The following TPPP variants were observed in gnomAD, a reference collection of about 807,000 sequenced individuals.
The protein encoded by TPPP is tubulin polymerization-promoting protein.
TPPP carries 6 observed loss-of-function variants against 15.5 expected under a neutral mutation model. The ratio of observed to expected loss-of-function variants is 0.39; its 90% confidence interval spans 0.21 to 0.77. TPPP has a LOEUF of 0.77. Ranked by LOEUF, TPPP falls within the 30% of genes least tolerant of loss-of-function variation. TPPP has a pLI of 0.42. For synonymous variants in TPPP, 146 were observed against 133.9 expected, an observed-to-expected ratio of 1.09 and a Z score of -0.63; for missense variants, 269 against 307.2, an observed-to-expected ratio of 0.88 and a Z score of 0.93.
At chr5:681,847 G>T (rs1224580529) in intron 1 of TPPP, among the ~76,000 whole-genome samples, 5 of 152,234 alleles carry the variant, frequency 3.3e-5, no homozygotes, top group Non-Finnish European at 7.3e-5. Flanking sequence ...GGCAAAGGCA[G>T]ACCCCAGAGG....
chr5:676,933 CGCACACGACGCAGAAACGCGCACACGT>C (rs1561088416), intron 2 of TPPP, among the ~76,000 whole-genome samples: 7 of 149,630 alleles, frequency 4.7e-5, no homozygotes, highest in African/African-American at 1.5e-4. Flanking sequence ...AACGCACGCG[CGCACACGACGCAGAAACGCGCACACGT>C]GCACACAGAA....
chr5:666,210 C>A, intron 2 of TPPP, 87 bp from the exon 3 acceptor site: 1 of 1,453,910 alleles, frequency 6.9e-7, no homozygotes, highest in South Asian at 1.3e-5. Context: ...AGCTGGACAG[C>A]CATGGCCCAG....
At chr5:670,056 T>C (rs1740155439) in intron 2 of TPPP, among the ~76,000 whole-genome samples, 1 of 150,318 alleles carries the variant, frequency 6.7e-6, no homozygotes, top group South Asian at 2.2e-4. Flanking sequence ...CTGCGGGGCC[T>C]GGACTTGCTT....
At chr5:668,653 AGC>A (rs1580077358) in intron 2 of TPPP, among the ~76,000 whole-genome samples, 1 of 152,266 alleles carries the variant, frequency 6.6e-6, no homozygotes, top group African/African-American at 2.4e-5. Context: ...TTCTCATCAC[AGC>A]CAAAGGTGGC....
intron 2 of TPPP, among the ~76,000 whole-genome samples, chr5:677,463 G>A (rs950557320): frequency 6.6e-6 from 1 of 152,144 alleles, no homozygotes; most frequent in African/African-American, 2.4e-5. Flanking sequence ...CCCCTCATAG[G>A]CCACCTCCCA....
Position 661,836 on chromosome 5 carries a change from T to G in TPPP, c.*3266A>C, listed in dbSNP as rs1277898735. 6.6e-6 allele frequency: 1 copy of G among 152,358 alleles called. No individual in the cohort carries two copies. The highest frequency in any genetic ancestry group is 6.5e-5 in the Admixed American group (1 of 15,284). 9.4% of individuals were successfully genotyped at this position (152,358 alleles called of 1,614,324 possible). ...GAGCCGAGTGGGTGTTTTCAAAGATTCGCTTTGGAGCTGAGTGGAGAAGGG... is the reference window on the plus strand; with the variant it reads ...GAGCCGAGTGGGTGTTTTCAAAGATGCGCTTTGGAGCTGAGTGGAGAAGGG... On this transcript the variant is annotated 3_prime_UTR_variant, in exon 4 of 4. Transcript: ENST00000360578.
chr5:692,963 G>A, intron 1 of TPPP: 4 of 770,978 alleles, frequency 5.2e-6, no homozygotes, highest in Non-Finnish European at 6.3e-6. Context: ...CCGTGGCCGC[G>A]AAGAAAGGCC....
chr5:699,621 A>T, the TPPP span, among the ~76,000 whole-genome samples: 2 of 151,934 alleles, frequency 1.3e-5, no homozygotes, highest in African/African-American at 4.8e-5. Flanking sequence ...AGACAAATGG[A>T]ACTTAAACTA....
At chr5:700,701 C>G in the TPPP span, among the ~76,000 whole-genome samples, 2 of 151,954 alleles carry the variant, frequency 1.3e-5, no homozygotes, top group African/African-American at 4.8e-5. Flanking sequence ...AGTTATGCAG[C>G]TCGTCATAAA....
upstream of TPPP, among the ~76,000 whole-genome samples, chr5:697,457 A>T (rs2126921075): frequency 6.6e-6 from 1 of 152,152 alleles, no homozygotes; most frequent in South Asian, 2.1e-4. Context: ...CCTGGCAGAG[A>T]CACGGAGGAC....
upstream of TPPP, among the ~76,000 whole-genome samples, chr5:698,316 C>A (rs1741049012): frequency 6.6e-6 from 1 of 152,040 alleles, no homozygotes; most frequent in Admixed American, 6.6e-5. Context: ...CTGGCCAGAG[C>A]AATCAGGCAA....
chr5:672,775 A>T (rs1258993252), intron 2 of TPPP, among the ~76,000 whole-genome samples: 2 of 152,214 alleles, frequency 1.3e-5, no homozygotes, highest in African/African-American at 4.8e-5. Flanking sequence ...CTCCATTAAT[A>T]TTTTAAAGCT....
intron 2 of TPPP, among the ~76,000 whole-genome samples, chr5:672,721 C>A (rs1409940060): frequency 3.9e-5 from 6 of 152,236 alleles, no homozygotes; most frequent in African/African-American, 1.2e-4. Flanking sequence ...TACCGGGCCC[C>A]ACTCCCACCG....
intron 1 of TPPP, among the ~76,000 whole-genome samples, chr5:684,584 C>A (rs1179717842): frequency 5.2e-5 from 4 of 77,382 alleles, no homozygotes; most frequent in African/African-American, 5.0e-4. Context: ...CACCAAGGGG[C>A]CTTCTAGGAC....
At chr5:673,952 C>T (rs969336339) in intron 2 of TPPP, among the ~76,000 whole-genome samples, 4 of 152,232 alleles carry the variant, frequency 2.6e-5, no homozygotes, top group Admixed American at 1.3e-4. Flanking sequence ...CGTGTGTGTG[C>T]ACATGCGGCC....
At chr5:671,995 GGAGGACGTCACACACAGTGCTCT>G (rs1366720732) in intron 2 of TPPP, among the ~76,000 whole-genome samples, 5 of 152,220 alleles carry the variant, frequency 3.3e-5, no homozygotes, top group African/African-American at 1.2e-4. Flanking sequence ...TGGACAGACA[GGAGGACGTCACACACAGTGCTCT>G]GAGGACCTCA....
At chr5:673,064 G>A (rs528053385) in intron 2 of TPPP, among the ~76,000 whole-genome samples, 26 of 152,230 alleles carry the variant, frequency 1.7e-4, no homozygotes, top group Admixed American at 1.2e-3. Flanking sequence ...CTGCAGTACC[G>A]AAGGCCACTT....
At chr5:674,644 T>TC (rs1424113462) in intron 2 of TPPP, among the ~76,000 whole-genome samples, 1 of 152,018 alleles carries the variant, frequency 6.6e-6, no homozygotes, top group East Asian at 1.9e-4. Context: ...GCGGCCCTGG[T>TC]CACCAGGACC....
At chr5:678,740 G>T (rs908519761) in intron 1 of TPPP, among the ~76,000 whole-genome samples, 2 of 152,138 alleles carry the variant, frequency 1.3e-5, no homozygotes, top group Non-Finnish European at 2.9e-5. Flanking sequence ...CAGTGGTGGG[G>T]GCACCGGTGT....
Sources: gnomAD v4.1 joint callset for allele counts (sites outside exome capture counted in the v4.1 genomes callset) on GRCh38, gnomAD v4.1.1 for gene constraint, MANE v1.5 for transcripts, NCBI Gene and HGNC (gene_info 2026-07-23, HGNC 2026-07-21) for gene names.